The following CXCL13 variants were observed in gnomAD, a reference collection of about 807,000 sequenced individuals.
CXCL13 encodes C-X-C motif chemokine 13.
In CXCL13, 7 loss-of-function variants were observed where a neutral mutation model predicts 12.2. The ratio of observed to expected loss-of-function variants is 0.57; its 90% confidence interval spans 0.33 to 1.07. The LOEUF is 1.07. Among genes scored for constraint, CXCL13 ranks in the 50% least tolerant of loss-of-function variants. CXCL13 has a pLI of 0.04. For synonymous variants in CXCL13, 47 were observed against 42.4 expected (o/e 1.11, Z -0.42); for missense variants, 113 against 127.4 (o/e 0.89, Z 0.55).
chr4:77,599,001 G>T (rs1211386885), intron 1 of CXCL13, among the ~76,000 whole-genome samples: 2 of 152,032 alleles, frequency 1.3e-5, no homozygotes, highest in Non-Finnish European at 2.9e-5. Context: ...TAGAGCCAGG[G>T]TTTCACCATA....
intron 1 of CXCL13, among the ~76,000 whole-genome samples, chr4:77,593,250 C>T (rs1300751249): frequency 1.3e-5 from 2 of 152,208 alleles, no homozygotes; most frequent in African/African-American, 2.4e-5. Flanking sequence ...TCTGACAAAA[C>T]GAAACTGTTT....
chr4:77,540,513 C>A (rs1725173114), intron 1 of CXCL13, among the ~76,000 whole-genome samples: 4 of 152,230 alleles, frequency 2.6e-5, no homozygotes, highest in Non-Finnish European at 5.9e-5. Context: ...GAAGTGACAG[C>A]ATGTGGTATC....
chr4:77,518,452 C>G (rs907230418), intron 1 of CXCL13, among the ~76,000 whole-genome samples: 28 of 152,180 alleles, frequency 1.8e-4, no homozygotes, highest in Non-Finnish European at 3.1e-4. Context: ...TAGATTTGGT[C>G]TTTTCACATA....
chr4:77,520,535 G>A (rs948416336), intron 1 of CXCL13, among the ~76,000 whole-genome samples: 3 of 152,080 alleles, frequency 2.0e-5, no homozygotes, highest in Admixed American at 6.6e-5. Context: ...TTGGTGTATA[G>A]AAATGCTTGT....
rs567090924 is a variant in CXCL13 at position 77,559,950 on chromosome 4, C to T, written c.-42-45874C>T. Among the ~76,000 whole-genome samples, 63 of 151,084 alleles carry T rather than the reference C, an allele frequency of 4.2e-4. 1 individual carries two copies. In the South Asian group the frequency reaches 8.4e-3, roughly 20 times the overall value. ...AAAAAAAAAAAAAAAACCTGACGCT[C>T]AATGTGCTTTCCAAATATCTTGGAG... is the stretch of plus-strand genomic sequence containing the variant. On this transcript the variant is annotated intron_variant, in intron 1 of 4. Coordinates refer to the CXCL13 transcript ENST00000286758.
chr4:77,578,438 G>A (rs1382336545), intron 1 of CXCL13, among the ~76,000 whole-genome samples: 2 of 152,170 alleles, frequency 1.3e-5, no homozygotes, highest in African/African-American at 2.4e-5. Flanking sequence ...GCAGTTAAGT[G>A]TACTTCTTTA....
At chr4:77,526,397 C>T (rs1724768402) in intron 1 of CXCL13, among the ~76,000 whole-genome samples, 1 of 151,926 alleles carries the variant, frequency 6.6e-6, no homozygotes, top group Non-Finnish European at 1.5e-5. Context: ...AACCTTCATA[C>T]TACAGAGTGC....
At chr4:77,529,119 T>C (rs952066668) in intron 1 of CXCL13, among the ~76,000 whole-genome samples, 1 of 152,236 alleles carries the variant, frequency 6.6e-6, no homozygotes, top group African/African-American at 2.4e-5. Flanking sequence ...GAGGGCTCTG[T>C]TCTATTCCAT....
intron 1 of CXCL13, among the ~76,000 whole-genome samples, chr4:77,537,001 C>G (rs1451809475): frequency 6.6e-6 from 1 of 152,024 alleles, no homozygotes; most frequent in Non-Finnish European, 1.5e-5. Flanking sequence ...AGCTTCCATT[C>G]AAAAAATTAA....
intron 1 of CXCL13, among the ~76,000 whole-genome samples, chr4:77,520,118 C>G (rs866475950): frequency 6.6e-6 from 1 of 152,120 alleles, no homozygotes; most frequent in Non-Finnish European, 1.5e-5. Context: ...GATACTGTAG[C>G]CTTGTAGTAT....
At chr4:77,587,327 G>C (rs1036746779) in intron 1 of CXCL13, among the ~76,000 whole-genome samples, 1 of 152,164 alleles carries the variant, frequency 6.6e-6, no homozygotes, top group African/African-American at 2.4e-5. Context: ...GAGCCAGGGG[G>C]ATATGACGAA....
intron 1 of CXCL13, among the ~76,000 whole-genome samples, chr4:77,527,869 G>A (rs1560515693): frequency 6.6e-6 from 1 of 152,122 alleles, no homozygotes; most frequent in African/African-American, 2.4e-5. Flanking sequence ...ATGTTGGTGT[G>A]TTGTACCCAT....
In CXCL13 at chr4:77,533,840, G is replaced by C. The variant is rs571178864; in HGVS notation, c.-43+22052G>C. Among the ~76,000 whole-genome samples, 3 of 152,298 alleles carry C rather than the reference G, an allele frequency of 2.0e-5. No homozygotes were observed. In the East Asian group the frequency reaches 5.8e-4, roughly 29 times the overall value. The stretch of plus-strand genomic sequence containing the variant: ...GCATAGGACCCTCTGAGCCATGCAC[G>C]GGATATAATCTCCTGGTGTGCCATT... On this transcript the variant is annotated intron_variant, in intron 1 of 4. Coordinates refer to the CXCL13 transcript ENST00000286758.
At chr4:77,573,938 C>A (rs1422406662) in intron 1 of CXCL13, among the ~76,000 whole-genome samples, 1 of 151,912 alleles carries the variant, frequency 6.6e-6, no homozygotes, top group Non-Finnish European at 1.5e-5. Flanking sequence ...TGTTTAGAGA[C>A]ACCTTGTGCA....
intron 1 of CXCL13, among the ~76,000 whole-genome samples, chr4:77,549,339 A>G (rs571621268): frequency 4.9e-4 from 75 of 152,282 alleles, no homozygotes; most frequent in Admixed American, 8.5e-4. Flanking sequence ...AGTTCTGTCA[A>G]CTCATCAAAG....
intron 1 of CXCL13, among the ~76,000 whole-genome samples, chr4:77,550,547 G>A (rs1725490885): frequency 6.6e-6 from 1 of 152,120 alleles, no homozygotes. Flanking sequence ...CAAGCATGTG[G>A]TTGATTTAAG....
chr4:77,516,428 A>G (rs542591076), intron 1 of CXCL13, among the ~76,000 whole-genome samples: 12 of 152,008 alleles, frequency 7.9e-5, no homozygotes, highest in Admixed American at 2.0e-4. Context: ...CTGTGAATCC[A>G]TCTGGTCCTG....
intron 2 of CXCL13, 24 bp downstream of exon 2, chr4:77,607,859 T>A (rs199904547): frequency 1.3e-4 from 210 of 1,608,756 alleles, no homozygotes; most frequent in Non-Finnish European, 1.6e-4. Context: ...GAAAAATAAA[T>A]AAGATTTCCT....
intron 1 of CXCL13, among the ~76,000 whole-genome samples, chr4:77,519,782 C>T (rs1421904593): frequency 2.6e-5 from 4 of 152,140 alleles, no homozygotes; most frequent in Non-Finnish European, 4.4e-5. Flanking sequence ...GACATCAAGT[C>T]CTTGCCCATG....
Sources: gnomAD v4.1 joint callset for allele counts (sites outside exome capture counted in the v4.1 genomes callset) on GRCh38, gnomAD v4.1.1 for gene constraint, MANE v1.5 for transcripts, NCBI Gene and HGNC (gene_info 2026-07-23, HGNC 2026-07-21) for gene names.